Variants in NRG3 observed in about 807,000 individuals in gnomAD.
The protein encoded by NRG3 is neuregulin 3.
A neutral mutation model predicts 66.9 loss-of-function variants in NRG3; 31 were observed. The observed-to-expected ratio is 0.46, with a 90% confidence interval of 0.35 to 0.63. The LOEUF (loss-of-function observed/expected upper bound fraction) is 0.63. Ranked by LOEUF, NRG3 falls within the 20% of genes least tolerant of loss-of-function variation. The pLI, the probability that NRG3 is intolerant of heterozygous loss-of-function variation, is 0.00. For synonymous variants in NRG3, 393 were observed against 359.4 expected, an observed-to-expected ratio of 1.09 and a Z score of -1.06; for missense variants, 910 against 878.9, an observed-to-expected ratio of 1.04 and a Z score of -0.45.
chr10:82,434,078 T>C (rs1483201813), intron 2 of NRG3, among the ~76,000 whole-genome samples: 2 of 152,192 alleles, frequency 1.3e-5, no homozygotes. Context: ...TTCCTATCCA[T>C]GAGGATGGAA....
chr10:82,231,371 AT>A (rs150827273), intron 1 of NRG3, among the ~76,000 whole-genome samples: 5,758 of 152,210 alleles, frequency 0.038, 155 homozygotes, highest in Admixed American at 0.074. Context: ...AAATAAAAAA[AT>A]ATCACATTGT....
chr10:82,516,782 G>A (rs929153180), intron 2 of NRG3, among the ~76,000 whole-genome samples: 5 of 152,126 alleles, frequency 3.3e-5, no homozygotes, highest in Admixed American at 2.6e-4. Context: ...AAGAAATCAG[G>A]AAGTAAGAGT....
chr10:82,671,929 C>G (rs913618738), intron 2 of NRG3, among the ~76,000 whole-genome samples: 4 of 152,108 alleles, frequency 2.6e-5, no homozygotes, highest in Admixed American at 1.3e-4. Flanking sequence ...TTGGCTTCCC[C>G]TACTCTCTTC....
chr10:82,310,796 C>A (rs1564780340), intron 1 of NRG3, among the ~76,000 whole-genome samples: 1 of 152,110 alleles, frequency 6.6e-6, no homozygotes, highest in African/African-American at 2.4e-5. Flanking sequence ...TCTCTCTCTT[C>A]CCCTCTCTTC....
rs533907216 is a variant in NRG3 at position 82,894,314 on chromosome 10, G to A, written c.1054+28877G>A. Reference sequence around the variant, plus strand: ...GGAGAAAAAAATGATCATTTTGATAGTAACAAAAAATAATTAAATAAGCCT... The same window carrying A: ...GGAGAAAAAAATGATCATTTTGATAATAACAAAAAATAATTAAATAAGCCT... On this transcript the variant is annotated intron_variant, in intron 4 of 8. Transcript: ENST00000372141. 2.0e-5 allele frequency among the ~76,000 whole-genome samples: 3 copies of A among 152,264 alleles called. No individual in the cohort carries two copies. The South Asian group carries it at 6.2e-4, about 32-fold the overall frequency.
intron 3 of NRG3, among the ~76,000 whole-genome samples, chr10:82,766,193 AT>A (rs2059506456): frequency 1.3e-5 from 2 of 152,144 alleles, no homozygotes; most frequent in South Asian, 4.1e-4. Flanking sequence ...ATGAACCATA[AT>A]TTACTTTAAT....
At chr10:82,979,486 G>T (rs987076135) in intron 8 of NRG3, among the ~76,000 whole-genome samples, 1 of 152,154 alleles carries the variant, frequency 6.6e-6, no homozygotes, top group Admixed American at 6.5e-5. Flanking sequence ...CGAATTCTCT[G>T]ATAAGTATTG....
intron 1 of NRG3, among the ~76,000 whole-genome samples, chr10:82,011,105 T>C (rs998804407): frequency 6.6e-6 from 1 of 152,150 alleles, no homozygotes; most frequent in African/African-American, 2.4e-5. Context: ...GCTGCTAATA[T>C]AGACATACCT....
intron 1 of NRG3, among the ~76,000 whole-genome samples, chr10:82,188,849 T>C (rs1166181070): frequency 6.6e-6 from 1 of 151,940 alleles, no homozygotes. Context: ...ATAGAATGAG[T>C]AAGAGCTACA....
At chr10:82,320,631 C>A (rs193073587) in intron 1 of NRG3, among the ~76,000 whole-genome samples, 1 of 152,232 alleles carries the variant, frequency 6.6e-6, no homozygotes, top group Admixed American at 6.5e-5. Flanking sequence ...TCAAAGATGA[C>A]TGGGGTATGT....
intron 2 of NRG3, among the ~76,000 whole-genome samples, chr10:82,362,100 A>AAAAAAAAAAC (rs2084182159): frequency 6.8e-6 from 1 of 146,430 alleles, no homozygotes; most frequent in Non-Finnish European, 1.5e-5. Context: ...AAAAAAAAAA[A>AAAAAAAAAAC]AAAAAAAAAG....
intron 4 of NRG3, among the ~76,000 whole-genome samples, chr10:82,898,564 T>G (rs1843885071): frequency 6.6e-6 from 1 of 152,154 alleles, no homozygotes; most frequent in Admixed American, 6.5e-5. Context: ...CCAGATTGAT[T>G]GCATACACAT....
intron 2 of NRG3, among the ~76,000 whole-genome samples, chr10:82,432,649 G>A (rs1204313529): frequency 6.6e-6 from 1 of 151,996 alleles, no homozygotes; most frequent in Admixed American, 6.6e-5. Context: ...GTTGTGTGTT[G>A]TTCCCTTCTC....
intron 2 of NRG3, among the ~76,000 whole-genome samples, chr10:82,700,895 C>T (rs1178084251): frequency 6.6e-6 from 1 of 151,960 alleles, no homozygotes; most frequent in Non-Finnish European, 1.5e-5. Context: ...ACCTTTAACT[C>T]GTGTCACAGG....
At chr10:82,726,880 G>T (rs1231839444) in intron 2 of NRG3, among the ~76,000 whole-genome samples, 1 of 152,142 alleles carries the variant, frequency 6.6e-6, no homozygotes, top group Non-Finnish European at 1.5e-5. Context: ...TGAACAATAA[G>T]TTCCAGGCTG....
At chr10:82,472,881 G>A (rs1234877735) in intron 2 of NRG3, among the ~76,000 whole-genome samples, 1 of 152,144 alleles carries the variant, frequency 6.6e-6, no homozygotes, top group African/African-American at 2.4e-5. Flanking sequence ...AATAAGCCAA[G>A]CCAACAATAG....
chr10:82,318,194 G>T (rs1589702808), intron 1 of NRG3, among the ~76,000 whole-genome samples: 2 of 152,172 alleles, frequency 1.3e-5, no homozygotes, highest in East Asian at 1.9e-4. Flanking sequence ...GCAAAATTTG[G>T]GTGGGGTGGG....
chr10:82,061,720 T>C (rs926033126), intron 1 of NRG3, among the ~76,000 whole-genome samples: 2 of 152,026 alleles, frequency 1.3e-5, no homozygotes, highest in African/African-American at 2.4e-5. Context: ...ATTTCTGTTT[T>C]CCCCCTCTTC....
chr10:82,578,362 AC>A (rs1297470013), intron 2 of NRG3, among the ~76,000 whole-genome samples: 3 of 149,386 alleles, frequency 2.0e-5, no homozygotes, highest in African/African-American at 7.3e-5. Context: ...TTCTGTTAAA[AC>A]CCCGATAGTA....
Sources: gnomAD v4.1 joint callset for allele counts (sites outside exome capture counted in the v4.1 genomes callset) on GRCh38, gnomAD v4.1.1 for gene constraint, MANE v1.5 for transcripts, NCBI Gene and HGNC (gene_info 2026-07-23, HGNC 2026-07-21) for gene names.